EIF4EBP2: variants seen among roughly 807,000 people sequenced by gnomAD.
The protein encoded by EIF4EBP2 is eukaryotic translation initiation factor 4E binding protein 2.
In EIF4EBP2, 5 loss-of-function variants were observed where a neutral mutation model predicts 10.3. The ratio of observed to expected loss-of-function variants is 0.48; its 90% confidence interval spans 0.25 to 1.02. The LOEUF is 1.02. EIF4EBP2 is among the 50% of genes least tolerant of loss of function. The pLI is 0.15. For synonymous variants in EIF4EBP2, 67 were observed against 61.1 expected, an observed-to-expected ratio of 1.10 and a Z score of -0.45; for missense variants, 188 against 162.2, an observed-to-expected ratio of 1.16 and a Z score of -0.86.
chr10:70,411,766 T>G (rs1402984528), intron 1 of EIF4EBP2, among the ~76,000 whole-genome samples: 1 of 152,190 alleles, frequency 6.6e-6, no homozygotes, highest in Non-Finnish European at 1.5e-5. Context: ...ATTTCTTAGT[T>G]TGGGATATTA....
chr10:70,414,554 G>C (rs1322974031), intron 1 of EIF4EBP2, among the ~76,000 whole-genome samples: 1 of 152,172 alleles, frequency 6.6e-6, no homozygotes, highest in East Asian at 1.9e-4. Flanking sequence ...AAGGTTGCAA[G>C]ATAAAAGAGC....
At position 70,404,498 on chromosome 10, in the gene EIF4EBP2, G is replaced by T; in HGVS notation, c.97G>T (p.Asp33Tyr). The part of the protein sequence containing the change: ...AISDAAQLPH[D>Y]YCTTPGGTLF... ...CAGCGACGCCGCGCAGCTACCTCATGACTATTGCACCACGCCCGGGGGGAC... is the reference window on the plus strand; with the variant it reads ...CAGCGACGCCGCGCAGCTACCTCATTACTATTGCACCACGCCCGGGGGGAC... The change falls in exon 1 of 3, where the codon GAC (aspartate) becomes TAC (tyrosine). Residue 33 changes from aspartate (D) to tyrosine (Y), a missense_variant. Physicochemically the swap from Asp to Tyr is radical, Grantham distance 160 (BLOSUM62 -3). Transcript: ENST00000373218. 6.3e-7 allele frequency: 1 copy of T among 1,599,334 alleles called. No individual in the cohort carries two copies. Among genetic ancestry groups the T allele is most frequent in the African/African-American group, 1.4e-5 (1 of 72,626 alleles).
At chr10:70,416,947 G>A (rs1845103933) in intron 1 of EIF4EBP2, among the ~76,000 whole-genome samples, 1 of 152,146 alleles carries the variant, frequency 6.6e-6, no homozygotes, top group Non-Finnish European at 1.5e-5. Flanking sequence ...ACAGGTGTGA[G>A]CCATGCCTGG....
intron 1 of EIF4EBP2, among the ~76,000 whole-genome samples, chr10:70,418,562 A>G (rs372774445): frequency 1.3e-5 from 2 of 152,194 alleles, no homozygotes; most frequent in African/African-American, 4.8e-5. Flanking sequence ...AACAATTTTC[A>G]TAATACTGTG....
At chr10:70,412,741 T>A (rs948262961) in intron 1 of EIF4EBP2, among the ~76,000 whole-genome samples, 1 of 152,210 alleles carries the variant, frequency 6.6e-6, no homozygotes, top group Middle Eastern at 3.2e-3. Flanking sequence ...TCAGTTTTAC[T>A]CTCATATTTC....
rs1035704459 is a variant in EIF4EBP2 at position 70,424,071 on chromosome 10, TAGTC to T, written c.*2329_*2332del. On this transcript the variant is annotated 3_prime_UTR_variant, in exon 3 of 3. Transcript: ENST00000373218. ...TGTGGAATTTGACCCAACTAGCAGC[TAGTC>T]AGTCTGTCAGTGAGCAGAAGAGTGA... 1.3e-5 allele frequency: 2 copies of T among 152,330 alleles called. No individual in the cohort carries two copies. The highest frequency in any genetic ancestry group is 4.8e-5 in the African/African-American group (2 of 41,576). 9.4% of individuals were successfully genotyped at this position (152,330 alleles called of 1,614,324 possible). A position where few individuals can be genotyped will look rare whatever the true frequency, so the allele number is the denominator to read the frequency against.
In EIF4EBP2 at chr10:70,424,552, T is replaced by G. The variant is rs74535414; in HGVS notation, c.*2805T>G. On this transcript the variant is annotated 3_prime_UTR_variant, in exon 3 of 3. Transcript: ENST00000373218. ...TACCTCTGCATGTTTGGAGGGAACC[T>G]CACAGATGAAACCCTTAATGAATAA... 6.6e-6 allele frequency: 1 copy of G among 152,358 alleles called. No homozygotes were observed. Among genetic ancestry groups the G allele is most frequent in the East Asian group, 1.9e-4 (1 of 5,194 alleles). The allele number at this position is 152,358 out of a possible 1,614,324, so 9.4% of individuals were successfully genotyped here.
Position 70,422,791 on chromosome 10 carries a change from G to T in EIF4EBP2, c.*1044G>T, listed in dbSNP as rs982769646. On this transcript the variant is annotated 3_prime_UTR_variant, in exon 3 of 3. Coordinates refer to ENST00000373218, the MANE Select transcript of EIF4EBP2 (RefSeq NM_004096.5). ...GCATTGTGGTAGTTGTTCTTAGATT[G>T]CAGTTTCTTATGTTTTGAGTTTGAA... is the stretch of plus-strand genomic sequence containing the variant. 1 of 152,200 alleles carries T rather than the reference G, an allele frequency of 6.6e-6. No homozygotes were observed. The highest frequency in any genetic ancestry group is 1.5e-5 in the Non-Finnish European group (1 of 68,034). 9.4% of individuals were successfully genotyped at this position (152,200 alleles called of 1,614,324 possible).
chr10:70,404,590 G>A, intron 1 of EIF4EBP2, 44 bp downstream of exon 1: 1 of 1,509,436 alleles, frequency 6.6e-7, no homozygotes. Context: ...GTCCCGCCGC[G>A]GTCCTCTAAC....
intron 1 of EIF4EBP2, among the ~76,000 whole-genome samples, chr10:70,407,022 C>G (rs912532665): frequency 6.6e-6 from 1 of 152,096 alleles, no homozygotes; most frequent in Non-Finnish European, 1.5e-5. Flanking sequence ...CTCAGCCTCC[C>G]GAGTAGCTGG....
intron 1 of EIF4EBP2, among the ~76,000 whole-genome samples, chr10:70,406,775 C>T (rs1279742297): frequency 2.0e-5 from 3 of 152,204 alleles, no homozygotes; most frequent in Non-Finnish European, 4.4e-5. Context: ...TAACTTCCCC[C>T]GACATTGTTT....
At chr10:70,413,744 AT>A (rs761715524) in intron 1 of EIF4EBP2, among the ~76,000 whole-genome samples, 6 of 151,768 alleles carry the variant, frequency 4.0e-5, no homozygotes, top group Admixed American at 1.3e-4. Context: ...CAATATTGTG[AT>A]TTTTTTTCAT....
chr10:70,406,252 C>T (rs950770012), intron 1 of EIF4EBP2, among the ~76,000 whole-genome samples: 20 of 152,162 alleles, frequency 1.3e-4, no homozygotes, highest in African/African-American at 4.8e-4. Flanking sequence ...GGATTACAGG[C>T]GTGAGCCACT....
Position 70,424,450 on chromosome 10 carries a change from A to G in EIF4EBP2, c.*2703A>G, listed in dbSNP as rs1262029062. 2 of 152,244 alleles carry G rather than the reference A, an allele frequency of 1.3e-5. No individual in the cohort carries two copies. Among genetic ancestry groups the G allele is most frequent in the Non-Finnish European group, 2.9e-5 (2 of 68,038 alleles). 9.4% of individuals were successfully genotyped at this position (152,244 alleles called of 1,614,324 possible). A position where few individuals can be genotyped will look rare whatever the true frequency, so the allele number is the denominator to read the frequency against. On this transcript the variant is annotated 3_prime_UTR_variant, in exon 3 of 3. Coordinates refer to ENST00000373218, the MANE Select transcript of EIF4EBP2 (RefSeq NM_004096.5). The stretch of plus-strand genomic sequence containing the variant: ...AAATAATTTCACAAGGCATGAGATA[A>G]ACTTTCAATAGATGATACCTTTGTG...
chr10:70,409,509 T>A (rs1003571894), intron 1 of EIF4EBP2, among the ~76,000 whole-genome samples: 5 of 152,200 alleles, frequency 3.3e-5, no homozygotes, highest in Non-Finnish European at 7.4e-5. Context: ...TTGTTAGTAT[T>A]AAACAGCTAA....
chr10:70,415,690 C>T (rs184860397), intron 1 of EIF4EBP2, among the ~76,000 whole-genome samples: 297 of 152,254 alleles, frequency 2.0e-3, no homozygotes, highest in Middle Eastern at 6.8e-3. Context: ...CAGTTTTCAA[C>T]AGATAGTGCT....
chr10:70,409,019 G>A (rs1299444683), intron 1 of EIF4EBP2, among the ~76,000 whole-genome samples: 1 of 152,156 alleles, frequency 6.6e-6, no homozygotes, highest in Admixed American at 6.5e-5. Flanking sequence ...TGGACCGAAT[G>A]CCCTAAATGA....
At position 70,423,872 on chromosome 10, in the gene EIF4EBP2, G is replaced by A. The variant is rs1484954370; in HGVS notation, c.*2125G>A. 3 of 152,540 alleles carry A rather than the reference G, an allele frequency of 2.0e-5. No individual in the cohort carries two copies. Among genetic ancestry groups the A allele is most frequent in the Non-Finnish European group, 4.4e-5 (3 of 68,024 alleles). The allele number at this position is 152,540 out of a possible 1,614,324, so 9.4% of individuals were successfully genotyped here. A position where few individuals can be genotyped will look rare whatever the true frequency, so the allele number is the denominator to read the frequency against. On this transcript the variant is annotated 3_prime_UTR_variant, in exon 3 of 3. Transcript: ENST00000373218. ...AGTAATTTTTGTTTGTTTGTTTAAT[G>A]TATCCCTGTTCTGTTTTTAATTAAA...
At chr10:70,406,668 A>G (rs1352997364) in intron 1 of EIF4EBP2, among the ~76,000 whole-genome samples, 1 of 150,832 alleles carries the variant, frequency 6.6e-6, no homozygotes, top group Non-Finnish European at 1.5e-5. Flanking sequence ...CATAGCCTGG[A>G]TTAGTTCTTA....
Sources: allele counts gnomAD v4.1 joint callset (sites outside exome capture counted in the v4.1 genomes callset), GRCh38; gene constraint gnomAD v4.1.1; transcripts MANE v1.5; gene names NCBI Gene and HGNC (gene_info 2026-07-23, HGNC 2026-07-21).